ARHGAP15: variants seen among roughly 807,000 people sequenced by gnomAD.
ARHGAP15 encodes the protein rho GTPase-activating protein 15.
ARHGAP15 carries 51 observed loss-of-function variants against 63.7 expected under a neutral mutation model. The ratio of observed to expected loss-of-function variants is 0.80; its 90% CI spans 0.64 to 1.01. The LOEUF is 1.01. Ranked by LOEUF, ARHGAP15 falls within the 50% of genes least tolerant of loss-of-function variation. ARHGAP15 has a pLI of 0.00. For synonymous variants in ARHGAP15, 191 were observed against 193.8 expected (o/e 0.99, Z 0.12); for missense variants, 560 against 564.6 (o/e 0.99, Z 0.08).
chr2:143,671,250 A>G (rs1682510242), intron 12 of ARHGAP15, among the ~76,000 whole-genome samples: 1 of 151,844 alleles, frequency 6.6e-6, no homozygotes, highest in Non-Finnish European at 1.5e-5. Context: ...TTTTTTAATT[A>G]GTTTTTTTTT....
chr2:143,533,136 A>G (rs1046989273), intron 10 of ARHGAP15: 3 of 152,240 alleles, frequency 2.0e-5, no homozygotes, highest in Non-Finnish European at 4.4e-5. Flanking sequence ...ATTTCTGATC[A>G]CTACCCTGAG....
chr2:143,313,336 T>C (rs1434899725), intron 6 of ARHGAP15, among the ~76,000 whole-genome samples: 2 of 152,180 alleles, frequency 1.3e-5, no homozygotes, highest in East Asian at 1.9e-4. Flanking sequence ...ATTTTATGGA[T>C]AGAAAATTAA....
chr2:143,437,801 G>T (rs1294320254), intron 8 of ARHGAP15, among the ~76,000 whole-genome samples: 1 of 152,114 alleles, frequency 6.6e-6, no homozygotes, highest in East Asian at 1.9e-4. Flanking sequence ...TGAGGTGGGT[G>T]GATCACGAGG....
chr2:143,304,448 C>T (rs1207753844), intron 6 of ARHGAP15, among the ~76,000 whole-genome samples: 1 of 151,744 alleles, frequency 6.6e-6, no homozygotes, highest in Non-Finnish European at 1.5e-5. Flanking sequence ...ACACCAGGGC[C>T]TGTTGTGGGG....
chr2:143,502,943 T>C (rs1693136094), intron 9 of ARHGAP15, among the ~76,000 whole-genome samples: 2 of 152,182 alleles, frequency 1.3e-5, no homozygotes, highest in Non-Finnish European at 2.9e-5. Context: ...TGAATGTGTA[T>C]GTTGAGCTTC....
chr2:143,748,356 T>C (rs1045463032), intron 13 of ARHGAP15, among the ~76,000 whole-genome samples: 1 of 152,204 alleles, frequency 6.6e-6, no homozygotes, highest in African/African-American at 2.4e-5. Flanking sequence ...TCTTTGTTTT[T>C]GATGTCAAAT....
At chr2:143,329,972 G>T (rs1457667247) in intron 6 of ARHGAP15, among the ~76,000 whole-genome samples, 1 of 144,146 alleles carries the variant, frequency 6.9e-6, no homozygotes, top group African/African-American at 2.6e-5. Context: ...CACAGCTGTA[G>T]TCCCAGCTAC....
chr2:143,342,795 A>G (rs1033701415), intron 6 of ARHGAP15, among the ~76,000 whole-genome samples: 2 of 152,052 alleles, frequency 1.3e-5, no homozygotes, highest in African/African-American at 4.8e-5. Flanking sequence ...TATGATCACT[A>G]GATACCTTTT....
At chr2:143,329,602 C>A (rs909325726) in intron 6 of ARHGAP15, among the ~76,000 whole-genome samples, 1 of 152,186 alleles carries the variant, frequency 6.6e-6, no homozygotes. Context: ...GACTTCTAAC[C>A]CATGGAAACT....
intron 10 of ARHGAP15, among the ~76,000 whole-genome samples, chr2:143,533,886 T>C (rs1385581248): frequency 6.6e-6 from 1 of 152,226 alleles, no homozygotes; most frequent in Non-Finnish European, 1.5e-5. Flanking sequence ...CCTCGTTAAG[T>C]CTGCCATAGT....
intron 6 of ARHGAP15, among the ~76,000 whole-genome samples, chr2:143,315,084 A>G (rs1004067971): frequency 2.0e-5 from 3 of 152,174 alleles, no homozygotes; most frequent in Non-Finnish European, 2.9e-5. Context: ...TAATCCTTCA[A>G]GGAGGTTTGC....
chr2:143,198,983 C>A (rs1028744903), intron 2 of ARHGAP15, among the ~76,000 whole-genome samples: 5 of 151,802 alleles, frequency 3.3e-5, no homozygotes, highest in Non-Finnish European at 7.4e-5. Flanking sequence ...AAATATAAGA[C>A]GTATGTATGA....
intron 6 of ARHGAP15, among the ~76,000 whole-genome samples, chr2:143,281,081 T>G (rs1197309927): frequency 6.6e-6 from 1 of 152,166 alleles, no homozygotes; most frequent in African/African-American, 2.4e-5. Flanking sequence ...ACACCCATTT[T>G]ACAAATCAAG....
chr2:143,311,590 C>T (rs138224902), intron 6 of ARHGAP15, among the ~76,000 whole-genome samples: 5 of 152,166 alleles, frequency 3.3e-5, no homozygotes, highest in African/African-American at 1.2e-4. Flanking sequence ...ACCCAAACAG[C>T]AATATGGGAG....
intron 9 of ARHGAP15, among the ~76,000 whole-genome samples, chr2:143,500,049 T>A (rs989259312): frequency 6.6e-5 from 10 of 151,922 alleles, no homozygotes; most frequent in Non-Finnish European, 2.9e-5. Context: ...AATAATTAAG[T>A]GAAATGTAAA....
At chr2:143,426,918 G>C (rs937989534) in intron 6 of ARHGAP15, among the ~76,000 whole-genome samples, 2 of 152,188 alleles carry the variant, frequency 1.3e-5, no homozygotes, top group South Asian at 2.1e-4. Flanking sequence ...TAATTGAGCA[G>C]ATTTTTGTTT....
intron 6 of ARHGAP15, among the ~76,000 whole-genome samples, chr2:143,363,485 ACT>A (rs1491310722): frequency 6.6e-6 from 1 of 151,956 alleles, no homozygotes; most frequent in African/African-American, 2.4e-5. Context: ...ACAGAGCAAG[ACT>A]CTGTCTTCAG....
At chr2:143,181,109 C>T (rs1691219126) in intron 2 of ARHGAP15, among the ~76,000 whole-genome samples, 1 of 152,184 alleles carries the variant, frequency 6.6e-6, no homozygotes, top group African/African-American at 2.4e-5. Context: ...GAGTGACTAG[C>T]TGCATTGTCA....
chr2:143,461,967 A>G (rs1690963075), intron 8 of ARHGAP15, among the ~76,000 whole-genome samples: 1 of 152,122 alleles, frequency 6.6e-6, no homozygotes, highest in Non-Finnish European at 1.5e-5. Context: ...AGCCTGGGCA[A>G]CATGGCAAAA....
Sources: allele counts gnomAD v4.1 joint callset (sites outside exome capture counted in the v4.1 genomes callset), GRCh38; gene constraint gnomAD v4.1.1; transcripts MANE v1.5; gene names NCBI Gene and HGNC (gene_info 2026-07-23, HGNC 2026-07-21).